LYRM1: variants seen among roughly 807,000 people sequenced by gnomAD.
LYRM1 encodes the protein LYR motif-containing protein 1.
A neutral mutation model predicts 14.9 loss-of-function variants in LYRM1; 14 were observed. The observed-to-expected ratio is 0.94, with a 90% confidence interval of 0.62 to 1.47. The LOEUF (loss-of-function observed/expected upper bound fraction) is 1.47. Ranked by LOEUF, LYRM1 falls within the 40% of genes most tolerant of loss-of-function variation. The probability of loss-of-function intolerance (pLI) is 0.00; values close to 1 mark genes in which losing one functional copy is unlikely to be tolerated. For missense variants in LYRM1, 153 were observed against 149.9 expected (o/e 1.02, Z -0.11); for synonymous variants, 43 against 56.2 (o/e 0.77, Z 1.05).
chr16:20,918,593 A>G (rs181266146), intron 2 of LYRM1, among the ~76,000 whole-genome samples: 13 of 152,276 alleles, frequency 8.5e-5, no homozygotes, highest in Admixed American at 7.2e-4. Context: ...CTGTAGCCCA[A>G]GCTTGTTCAG....
chr16:20,901,318 G>C lies in LYRM1; in HGVS notation c.-1+429G>C, dbSNP rs1270263330. ...CGTAATTCTCTTGCTCTTCAAACCT[G>C]AGAGTAGGGTGTTGCTCCGTTACCT... On this transcript the variant is annotated intron_variant, in intron 1 of 3. Coordinates refer to ENST00000567954, the MANE Select transcript of LYRM1 (RefSeq NM_001128302.3). The surrounding 1 kb of genome is among the most constrained non-coding windows in gnomAD (Gnocchi z 4.6). The C allele has an allele frequency of 6.6e-6, 1 of 152,308 alleles. No individual in the cohort carries two copies. Among genetic ancestry groups the C allele is most frequent in the East Asian group, 1.9e-4 (1 of 5,192 alleles). The allele number at this position is 152,308 out of a possible 1,614,324, so 9.4% of individuals were successfully genotyped here.
intron 3 of LYRM1, among the ~76,000 whole-genome samples, chr16:20,923,317 T>G (rs1404588588): frequency 6.6e-6 from 1 of 151,894 alleles, no homozygotes; most frequent in Admixed American, 6.6e-5. Context: ...CTGGCTAACA[T>G]GGCAAAACCC....
Position 20,915,653 on chromosome 16 carries a change from C to T in LYRM1, c.98C>T (p.Thr33Ile), listed in dbSNP as rs531105424. 3.1e-5 allele frequency: 50 copies of T among 1,614,082 alleles called. 1 individual carries two copies. The African/African-American group carries it at 5.3e-4, about 17-fold the overall frequency. Residue 33 changes from threonine to isoleucine, a missense_variant, in exon 2 of 4, where the codon ACC (threonine) becomes ATC (isoleucine). Thr to Ile is a moderately conservative substitution (Grantham distance 89). Transcript: ENST00000567954. Reference sequence around the variant, plus strand: ...GCGACATCAGGGCAGATGGAAGACACCATCAAAGAAAAACAGTACATACTA... The same window carrying T: ...GCGACATCAGGGCAGATGGAAGACATCATCAAAGAAAAACAGTACATACTA... ...WQATSGQMED[T>I]IKEKQYILNE... is the part of the protein sequence containing the mutation.
At chr16:20,913,895 G>A (rs1397905174) in intron 1 of LYRM1, among the ~76,000 whole-genome samples, 2 of 151,548 alleles carry the variant, frequency 1.3e-5, no homozygotes, top group African/African-American at 4.9e-5. Context: ...TGCAAGCTCC[G>A]CCTCCCGGGT....
intron 1 of LYRM1, among the ~76,000 whole-genome samples, chr16:20,906,986 T>A (rs1203660054): frequency 1.3e-5 from 2 of 152,154 alleles, no homozygotes; most frequent in Non-Finnish European, 2.9e-5. Context: ...GACTGATCGC[T>A]GCCCATTATG....
intron 1 of LYRM1, among the ~76,000 whole-genome samples, chr16:20,912,411 C>T (rs1026690936): frequency 1.3e-5 from 2 of 151,944 alleles, no homozygotes; most frequent in African/African-American, 2.4e-5. Context: ...CTGGGACAGG[C>T]GCCCACCACC....
chr16:20,905,938 G>C (rs543324136), intron 1 of LYRM1, among the ~76,000 whole-genome samples: 2 of 152,292 alleles, frequency 1.3e-5, no homozygotes, highest in South Asian at 4.1e-4. Context: ...ATACCATCGT[G>C]TGTATCTCAG....
intron 2 of LYRM1, among the ~76,000 whole-genome samples, chr16:20,918,716 T>C (rs2083036730): frequency 6.6e-6 from 1 of 152,170 alleles, no homozygotes; most frequent in African/African-American, 2.4e-5. Flanking sequence ...GTAACTTTGA[T>C]TACTCTTAAG....
rs11544267 is a variant in LYRM1 at position 20,924,028 on chromosome 16, C to G, written c.281C>G (p.Pro94Arg). Reference sequence around the variant, plus strand: ...CATCTGCCTCCAATGGGCCTTACCCCACTCCGAGGCCGGGGACTTCGAAGC... The same window carrying G: ...CATCTGCCTCCAATGGGCCTTACCCGACTCCGAGGCCGGGGACTTCGAAGC... ...PIHLPPMGLT[P>R]LRGRGLRSQE... is the part of the protein sequence containing the mutation. Residue 94 changes from proline to arginine, a missense_variant, in exon 4 of 4, where the codon CCA becomes CGA. Transcript: ENST00000567954. The G allele has an allele frequency of 1.2e-6, 2 of 1,612,112 alleles. No individual in the cohort carries two copies. The highest frequency in any genetic ancestry group is 1.1e-5 in the South Asian group (1 of 90,962).
rs201874698 is a variant in LYRM1, at chr16:20,910,419, CAA to C, written c.1-5134_1-5133del. 1.4e-3 allele frequency among the ~76,000 whole-genome samples: 212 copies of C among 152,234 alleles called. 3 individuals are homozygous for C. In the East Asian group the frequency reaches 0.025, roughly 18 times the overall value. Reference sequence around the variant, plus strand: ...ATAAATCCCTTTCAGGATTAGTTTTCAAAACACTTAAACGTTAATTAAAGTGT... The same window carrying C: ...ATAAATCCCTTTCAGGATTAGTTTTCAACACTTAAACGTTAATTAAAGTGT... On this transcript the variant is annotated intron_variant, in intron 1 of 3. Coordinates refer to ENST00000567954, the MANE Select transcript of LYRM1 (RefSeq NM_001128302.3).
chr16:20,902,743 C>CG (rs2082126395), intron 1 of LYRM1: 1 of 152,190 alleles, frequency 6.6e-6, no homozygotes, highest in African/African-American at 2.4e-5. Flanking sequence ...TATAGAAAAC[C>CG]TGACTTTTTG....
intron 1 of LYRM1, 68 bp from the exon 2 acceptor site, chr16:20,915,488 G>A: frequency 8.0e-7 from 1 of 1,245,814 alleles, no homozygotes; most frequent in Non-Finnish European, 1.1e-6. Context: ...CTGTACATCT[G>A]CCTGGTGCCT....
At chr16:20,913,239 T>C (rs946430595) in intron 1 of LYRM1, among the ~76,000 whole-genome samples, 3 of 151,752 alleles carry the variant, frequency 2.0e-5, no homozygotes, top group African/African-American at 7.3e-5. Flanking sequence ...AGTGGGGGTT[T>C]CTACTGGATA....
intron 1 of LYRM1, among the ~76,000 whole-genome samples, chr16:20,905,252 T>C (rs565020070): frequency 6.6e-6 from 1 of 152,326 alleles, no homozygotes; most frequent in South Asian, 2.1e-4. Flanking sequence ...CATGGATTAT[T>C]TCATGAATAA....
At chr16:20,923,897 A>G in intron 3 of LYRM1, 103 bp from the exon 4 acceptor site, 1 of 639,050 alleles carries the variant, frequency 1.6e-6, no homozygotes, top group Non-Finnish European at 2.8e-6. Context: ...ATGTAGATAC[A>G]GCACTTAGCA....
chr16:20,915,762 T>C lies in LYRM1; in HGVS notation c.159+48T>C, dbSNP rs781693701. 11 of 1,584,070 alleles carry C rather than the reference T, an allele frequency of 6.9e-6. No homozygotes were observed. In the South Asian group the frequency reaches 1.0e-4, roughly 14 times the overall value. ...TTGTGCAGAGGAGAGTTGTTCCTTA[T>C]GATATTTGTTTATTTCTTTTCGGTC... On this transcript the variant is annotated intron_variant, in intron 2 of 3. Transcript: ENST00000567954.
In LYRM1 at chr16:20,901,577, T is replaced by C. The variant is rs562146068; in HGVS notation, c.-1+688T>C. ...TAGGTTGGAAACAGCCAGAAGGCCATGTGGCTGAAGCAAACAGAGCCAGGG... is the reference window on the plus strand; with the variant it reads ...TAGGTTGGAAACAGCCAGAAGGCCACGTGGCTGAAGCAAACAGAGCCAGGG... On this transcript the variant is annotated intron_variant, in intron 1 of 3. Transcript: ENST00000567954. The surrounding 1 kb of genome is among the most constrained non-coding windows in gnomAD (Gnocchi z 4.6). 4.0e-4 allele frequency among the ~76,000 whole-genome samples: 61 copies of C among 152,284 alleles called. No individual in the cohort carries two copies. Among genetic ancestry groups the C allele is most frequent in the African/African-American group, 1.4e-3 (58 of 41,572 alleles).
chr16:20,923,865 T>C (rs1244945454), intron 3 of LYRM1, 135 bp from the exon 4 acceptor site: 1 of 557,280 alleles, frequency 1.8e-6, no homozygotes, highest in Middle Eastern at 4.2e-4. Context: ...TAGGATTAAC[T>C]TGTGTAAAGA....
At chr16:20,911,487 A>G (rs1019263321) in intron 1 of LYRM1, among the ~76,000 whole-genome samples, 2 of 152,206 alleles carry the variant, frequency 1.3e-5, no homozygotes, top group African/African-American at 4.8e-5. Context: ...AGCAGTGAGC[A>G]GCTTACTTCC....
Sources: gnomAD v4.1 joint callset for allele counts (sites outside exome capture counted in the v4.1 genomes callset) on GRCh38, gnomAD v4.1.1 for gene constraint, Gnocchi (gnomAD v3.1) non-coding constraint, MANE v1.5 for transcripts, NCBI Gene and HGNC (gene_info 2026-07-23, HGNC 2026-07-21) for gene names.